ELMO1: variants seen among roughly 807,000 people sequenced by gnomAD.
ELMO1 encodes engulfment and cell motility protein 1.
In ELMO1, 26 loss-of-function variants were observed where a neutral mutation model predicts 98.9. The observed-to-expected ratio is 0.26, with a 90% confidence interval of 0.19 to 0.36. The LOEUF (loss-of-function observed/expected upper bound fraction) is 0.36. Among genes scored for constraint, ELMO1 ranks in the 10% least tolerant of loss-of-function variants. The probability of loss-of-function intolerance (pLI) is 1.00; values close to 1 mark genes in which losing one functional copy is unlikely to be tolerated. For missense variants in ELMO1, 627 were observed against 935.2 expected (o/e 0.67, Z 4.30); for synonymous variants, 346 against 346.0 (o/e 1.00, Z 0.00).
intron 1 of ELMO1, among the ~76,000 whole-genome samples, chr7:37,446,082 G>A (rs1354384792): frequency 1.3e-5 from 2 of 152,170 alleles, no homozygotes; most frequent in Non-Finnish European, 2.9e-5. Flanking sequence ...GGAAAGGACA[G>A]CGAAAAAAGC....
chr7:37,382,907 G>C (rs1802638061), intron 1 of ELMO1, among the ~76,000 whole-genome samples: 1 of 152,280 alleles, frequency 6.6e-6, no homozygotes, highest in Non-Finnish European at 1.5e-5. Flanking sequence ...CTAATTTGCA[G>C]GGCCCCAGGC....
chr7:37,351,731 T>A (rs1336189147), intron 1 of ELMO1, among the ~76,000 whole-genome samples: 7 of 152,172 alleles, frequency 4.6e-5, no homozygotes, highest in Non-Finnish European at 1.5e-5. Context: ...CCTAACCATA[T>A]CTGTTTACTG....
chr7:37,311,631 G>C (rs1187712604), intron 4 of ELMO1, among the ~76,000 whole-genome samples: 1 of 152,190 alleles, frequency 6.6e-6, no homozygotes, highest in Non-Finnish European at 1.5e-5. Context: ...ACCCTGTGGA[G>C]CCAGGAGTCA....
intron 7 of ELMO1, among the ~76,000 whole-genome samples, chr7:37,240,849 T>G (rs1794730453): frequency 6.6e-6 from 1 of 152,206 alleles, no homozygotes; most frequent in South Asian, 2.1e-4. Flanking sequence ...CTGTGTAATT[T>G]TAATCATTTG....
chr7:37,337,975 T>G (rs1315190933), intron 2 of ELMO1, among the ~76,000 whole-genome samples: 1 of 152,196 alleles, frequency 6.6e-6, no homozygotes, highest in Non-Finnish European at 1.5e-5. Flanking sequence ...GCCTCCCACT[T>G]GTCTTTTAAT....
At position 37,208,786 on chromosome 7, in the gene ELMO1, A is replaced by G. The variant is rs571252234; in HGVS notation, c.1086+2600T>C. Reference sequence around the variant, plus strand: ...ATTTCCAGCACTCAAAATCATTACTAAATAGTCGTTCCAACTTCTCAACTC... The same window carrying G: ...ATTTCCAGCACTCAAAATCATTACTGAATAGTCGTTCCAACTTCTCAACTC... On this transcript the variant is annotated intron_variant, in intron 13 of 21. Transcript: ENST00000310758. 3.9e-5 allele frequency among the ~76,000 whole-genome samples: 6 copies of G among 152,314 alleles called. No individual in the cohort carries two copies. The South Asian group carries it at 1.2e-3, about 32-fold the overall frequency.
At chr7:37,319,453 A>G (rs1476047761) in intron 2 of ELMO1, among the ~76,000 whole-genome samples, 2 of 152,078 alleles carry the variant, frequency 1.3e-5, no homozygotes, top group African/African-American at 4.8e-5. Flanking sequence ...TCCTCATTCC[A>G]ACTCCTGCCA....
chr7:37,341,774 T>C (rs1800735425), intron 2 of ELMO1, among the ~76,000 whole-genome samples: 2 of 152,224 alleles, frequency 1.3e-5, no homozygotes, highest in Non-Finnish European at 2.9e-5. Context: ...GCCATGGTTA[T>C]TGTAATTTTG....
intron 16 of ELMO1, among the ~76,000 whole-genome samples, chr7:36,920,386 CA>C (rs776272935): frequency 5.3e-5 from 8 of 152,114 alleles, no homozygotes; most frequent in Non-Finnish European, 1.2e-4. Context: ...ATATGAAGTC[CA>C]AACATATAGT....
intron 7 of ELMO1, among the ~76,000 whole-genome samples, chr7:37,241,380 G>T (rs931489901): frequency 6.6e-6 from 1 of 151,812 alleles, no homozygotes; most frequent in African/African-American, 2.4e-5. Flanking sequence ...TATTTTCAAC[G>T]TACATGTGCC....
At chr7:37,121,424 C>T (rs1354934237) in intron 14 of ELMO1, among the ~76,000 whole-genome samples, 1 of 152,118 alleles carries the variant, frequency 6.6e-6, no homozygotes, top group East Asian at 1.9e-4. Flanking sequence ...GCAGAGAAGT[C>T]CTTAAAGGAC....
chr7:37,023,458 G>T (rs187987810), intron 15 of ELMO1, among the ~76,000 whole-genome samples: 29 of 152,224 alleles, frequency 1.9e-4, no homozygotes, highest in African/African-American at 7.0e-4. Context: ...AAGTTTACTG[G>T]CTGGGTAAAA....
intron 15 of ELMO1, among the ~76,000 whole-genome samples, chr7:37,090,802 G>A (rs1447820772): frequency 6.6e-6 from 1 of 152,190 alleles, no homozygotes; most frequent in East Asian, 1.9e-4. Flanking sequence ...CAAATGTAAT[G>A]TTACAAATGG....
chr7:37,070,157 A>G (rs1797193534), intron 15 of ELMO1, among the ~76,000 whole-genome samples: 1 of 152,210 alleles, frequency 6.6e-6, no homozygotes, highest in Non-Finnish European at 1.5e-5. Context: ...GGAGATAGCA[A>G]TCAAAGGAGG....
chr7:37,408,705 G>C (rs970038712), intron 1 of ELMO1, among the ~76,000 whole-genome samples: 1 of 152,168 alleles, frequency 6.6e-6, no homozygotes, highest in African/African-American at 2.4e-5. Flanking sequence ...ATTATTTAAA[G>C]TAGTCAACCT....
intron 15 of ELMO1, among the ~76,000 whole-genome samples, chr7:37,091,152 G>A (rs1014205255): frequency 1.3e-5 from 2 of 152,136 alleles, no homozygotes; most frequent in African/African-American, 4.8e-5. Context: ...TTGTCACCCA[G>A]GCTGGAGTAC....
At chr7:37,381,172 C>G (rs926911132) in intron 1 of ELMO1, among the ~76,000 whole-genome samples, 6 of 152,228 alleles carry the variant, frequency 3.9e-5, no homozygotes, top group African/African-American at 9.7e-5. Context: ...TAACTGGATT[C>G]TCAAATACAG....
chr7:37,352,057 G>C (rs1801294477), intron 1 of ELMO1, among the ~76,000 whole-genome samples: 1 of 152,116 alleles, frequency 6.6e-6, no homozygotes. Flanking sequence ...AAACTGAATA[G>C]AATAATATCC....
intron 15 of ELMO1, chr7:37,033,321 G>T: frequency 2.2e-6 from 1 of 449,792 alleles, no homozygotes; most frequent in South Asian, 1.6e-5. Context: ...AATAAAAGGG[G>T]ATAAAAATAC....
Sources: gnomAD v4.1 joint callset for allele counts (sites outside exome capture counted in the v4.1 genomes callset) on GRCh38, gnomAD v4.1.1 for gene constraint, MANE v1.5 for transcripts, NCBI Gene and HGNC (gene_info 2026-07-23, HGNC 2026-07-21) for gene names.